The following MIPEP variants were observed in gnomAD, a reference collection of about 807,000 sequenced individuals.
MIPEP encodes the protein mitochondrial intermediate peptidase.
Under a neutral mutation model 90.3 loss-of-function variants are expected in MIPEP, and 79 were observed. The ratio of observed to expected loss-of-function variants is 0.87; its 90% confidence interval spans 0.73 to 1.05. MIPEP has a LOEUF of 1.05. MIPEP is among the 50% of genes least tolerant of loss of function. The pLI is 0.00. For missense variants in MIPEP, 940 were observed against 905.6 expected (o/e 1.04, Z -0.49); for synonymous variants, 334 against 315.8 (o/e 1.06, Z -0.61).
At chr13:23,828,551 T>A (rs547133900) in intron 14 of MIPEP, among the ~76,000 whole-genome samples, 1 of 152,302 alleles carries the variant, frequency 6.6e-6, no homozygotes, top group South Asian at 2.1e-4. Context: ...ACAATCTGAA[T>A]ATATATACTG....
At chr13:23,875,244 A>C (rs1417959860) in intron 4 of MIPEP, among the ~76,000 whole-genome samples, 2 of 152,144 alleles carry the variant, frequency 1.3e-5, no homozygotes, top group African/African-American at 4.8e-5. Flanking sequence ...TATTTAGTAC[A>C]CAGGTTTGTA....
intron 16 of MIPEP, among the ~76,000 whole-genome samples, chr13:23,777,353 G>C (rs943320385): frequency 6.6e-6 from 1 of 152,146 alleles, no homozygotes; most frequent in Non-Finnish European, 1.5e-5. Context: ...AGAACAAAAG[G>C]AGTCATAGGT....
chr13:23,830,839 T>A (rs1868703883), intron 14 of MIPEP, among the ~76,000 whole-genome samples: 1 of 152,182 alleles, frequency 6.6e-6, no homozygotes, highest in Non-Finnish European at 1.5e-5. Flanking sequence ...CAGGATGGTT[T>A]CTAGTTCATC....
At chr13:23,732,705 AAGTT>A (rs1952219460) in intron 18 of MIPEP, among the ~76,000 whole-genome samples, 1 of 152,226 alleles carries the variant, frequency 6.6e-6, no homozygotes, top group South Asian at 2.1e-4. Flanking sequence ...GAAGTTCAAA[AAGTT>A]AGTCAAACCA....
chr13:23,759,665 C>A (rs1434124148), intron 17 of MIPEP, among the ~76,000 whole-genome samples: 1 of 152,146 alleles, frequency 6.6e-6, no homozygotes, highest in East Asian at 1.9e-4. Flanking sequence ...ATCCTAGGCA[C>A]CCCTACTTCC....
chr13:23,887,873 CA>C (rs1871576198), intron 1 of MIPEP, among the ~76,000 whole-genome samples: 1 of 152,028 alleles, frequency 6.6e-6, no homozygotes, highest in Admixed American at 6.6e-5. Flanking sequence ...CAGTGGGAGA[CA>C]AAGGAAAATC....
At chr13:23,730,530 G>C (rs1168502500) in intron 18 of MIPEP, 85 bp from the exon 19 acceptor site, 5 of 815,580 alleles carry the variant, frequency 6.1e-6, no homozygotes, top group Non-Finnish European at 1.0e-5. Flanking sequence ...ACACACTAGA[G>C]GAACACTCTG....
intron 16 of MIPEP, among the ~76,000 whole-genome samples, chr13:23,790,541 A>G (rs1395948748): frequency 6.6e-6 from 1 of 151,858 alleles, no homozygotes; most frequent in Non-Finnish European, 1.5e-5. Context: ...AGTACGCCCT[A>G]GTCAGAACCA....
chr13:23,847,025 G>A lies in MIPEP; in HGVS notation c.1107-5537C>T, dbSNP rs572482537. ...TTCCCAAGGCTACGACAACAACTAA[G>A]TAGAAGGCCTGAGACCATCCTTTAT... On this transcript the variant is annotated intron_variant, in intron 10 of 18. Transcript: ENST00000382172. 9.2e-5 allele frequency among the ~76,000 whole-genome samples: 14 copies of A among 152,234 alleles called. No homozygotes were observed. In the East Asian group the frequency reaches 2.7e-3, roughly 29 times the overall value.
chr13:23,764,834 G>A (rs541674747), intron 16 of MIPEP, among the ~76,000 whole-genome samples: 2 of 152,336 alleles, frequency 1.3e-5, no homozygotes, highest in South Asian at 4.1e-4. Flanking sequence ...TGGGATTACA[G>A]GTGTTAGCCA....
intron 4 of MIPEP, among the ~76,000 whole-genome samples, chr13:23,878,752 C>A (rs1397829897): frequency 6.6e-6 from 1 of 152,148 alleles, no homozygotes; most frequent in Non-Finnish European, 1.5e-5. Context: ...TGAACCAAAG[C>A]AAATCATTAC....
At chr13:23,745,245 T>G (rs1952370068) in intron 18 of MIPEP, among the ~76,000 whole-genome samples, 1 of 152,010 alleles carries the variant, frequency 6.6e-6, no homozygotes, top group Non-Finnish European at 1.5e-5. Flanking sequence ...TAAAAGAAAA[T>G]CAGGTATAGG....
At chr13:23,756,968 C>T (rs1952496278) in intron 17 of MIPEP, 2 of 279,838 alleles carry the variant, frequency 7.1e-6, no homozygotes, top group Admixed American at 4.9e-5. Context: ...GACAATTTTT[C>T]CACAGACGAG....
In MIPEP at chr13:23,849,631, G is replaced by C. The variant is rs188836544; in HGVS notation, c.1107-8143C>G. ...CATACCACTATCAACATGATACAATGGTATAATTAGGTCTTTTAAATTAAG... is the reference window on the plus strand; with the variant it reads ...CATACCACTATCAACATGATACAATCGTATAATTAGGTCTTTTAAATTAAG... On this transcript the variant is annotated intron_variant, in intron 10 of 18. Transcript: ENST00000382172. Among the ~76,000 whole-genome samples, 229 of 152,184 alleles carry C rather than the reference G, an allele frequency of 1.5e-3. 2 individuals carry two copies. The highest frequency in any genetic ancestry group is 6.8e-3 in the Middle Eastern group (2 of 294).
intron 5 of MIPEP, among the ~76,000 whole-genome samples, chr13:23,872,971 T>C (rs1032536112): frequency 1.3e-5 from 2 of 152,196 alleles, no homozygotes; most frequent in African/African-American, 2.4e-5. Flanking sequence ...AAAAACATGA[T>C]CCACGTTCTT....
intron 16 of MIPEP, among the ~76,000 whole-genome samples, chr13:23,805,437 T>A (rs2137399848): frequency 6.6e-6 from 1 of 152,308 alleles, no homozygotes; most frequent in African/African-American, 2.4e-5. Flanking sequence ...AAATTAGAGA[T>A]CTTTTCCCAA....
chr13:23,831,536 C>T (rs9510885), intron 14 of MIPEP, among the ~76,000 whole-genome samples: 150,211 of 152,276 alleles, frequency 0.99, 74,133 homozygotes, highest in East Asian at 1. Flanking sequence ...TCCGGCAGCT[C>T]CTGGTGAGAG....
At chr13:23,737,775 C>T (rs1952281241) in intron 18 of MIPEP, among the ~76,000 whole-genome samples, 1 of 152,138 alleles carries the variant, frequency 6.6e-6, no homozygotes, top group African/African-American at 2.4e-5. Flanking sequence ...GCCAACCTTG[C>T]AAAGACGAAA....
chr13:23,857,671 G>A (rs1712225490), intron 10 of MIPEP, among the ~76,000 whole-genome samples: 1 of 152,170 alleles, frequency 6.6e-6, no homozygotes, highest in Non-Finnish European at 1.5e-5. Flanking sequence ...AGTAAAAATG[G>A]TTTTGGCAAC....
Sources: gnomAD v4.1 joint callset for allele counts (sites outside exome capture counted in the v4.1 genomes callset) on GRCh38, gnomAD v4.1.1 for gene constraint, MANE v1.5 for transcripts, NCBI Gene and HGNC (gene_info 2026-07-23, HGNC 2026-07-21) for gene names.